Variants in SMIM18 observed in about 807,000 individuals in gnomAD.
SMIM18 encodes small integral membrane protein 18.
A neutral mutation model predicts 5.9 loss-of-function variants in SMIM18; 4 were observed. The ratio of observed to expected loss-of-function variants is 0.68; its 90% confidence interval spans 0.33 to 1.56. The LOEUF is 1.56. Among genes scored for constraint, SMIM18 ranks in the 40% most tolerant of loss-of-function variants. SMIM18 has a pLI of 0.06. For missense variants in SMIM18, 89 were observed against 109.7 expected, an observed-to-expected ratio of 0.81 and a Z score of 0.84; for synonymous variants, 37 against 37.4, an observed-to-expected ratio of 0.99 and a Z score of 0.04.
chr8:30,643,938 T>C (rs978007127), intron 1 of SMIM18: 1 of 152,156 alleles, frequency 6.6e-6, no homozygotes, highest in Non-Finnish European at 1.5e-5. Context: ...TCAATAAACA[T>C]TTGTTATAAA....
intron 1 of SMIM18, chr8:30,643,449 G>C (rs376422443): frequency 3.3e-5 from 5 of 152,332 alleles, no homozygotes; most frequent in African/African-American, 1.2e-4. Flanking sequence ...ACAAGGTCAG[G>C]AGTTTGAGAC....
intron 1 of SMIM18, among the ~76,000 whole-genome samples, chr8:30,641,776 C>A (rs767587306): frequency 6.6e-6 from 1 of 152,050 alleles, no homozygotes; most frequent in Non-Finnish European, 1.5e-5. Flanking sequence ...ATTCGGGAGG[C>A]TGAGGCAGGA....
chr8:30,644,688 C>T (rs1276384068), intron 2 of SMIM18, 116 bp downstream of exon 2: 1 of 151,936 alleles, frequency 6.6e-6, no homozygotes, highest in Non-Finnish European at 1.5e-5. Context: ...CTGCTTTAAT[C>T]AAGTTTTAAA....
chr8:30,643,187 G>C (rs1801914611), intron 1 of SMIM18, among the ~76,000 whole-genome samples: 1 of 152,130 alleles, frequency 6.6e-6, no homozygotes, highest in African/African-American at 2.4e-5. Flanking sequence ...TTTGAGTTTG[G>C]GGTGTGAAAA....
At chr8:30,645,089 T>C (rs1336577027) in intron 2 of SMIM18, among the ~76,000 whole-genome samples, 192 bp from the exon 3 acceptor site, 3 of 152,154 alleles carry the variant, frequency 2.0e-5, no homozygotes, top group Non-Finnish European at 4.4e-5. Flanking sequence ...AAATAATATA[T>C]GTTAAAAAAC....
At chr8:30,639,846 C>T (rs192845003) in intron 1 of SMIM18, among the ~76,000 whole-genome samples, 2 of 151,592 alleles carry the variant, frequency 1.3e-5, no homozygotes, top group Non-Finnish European at 2.9e-5. Context: ...CCTGCAAAAC[C>T]CAAAGGTTGC....
At chr8:30,639,446 C>T (rs141259023) in intron 1 of SMIM18, among the ~76,000 whole-genome samples, 22 of 152,206 alleles carry the variant, frequency 1.4e-4, no homozygotes, top group African/African-American at 4.8e-4. Context: ...TTAAACTGAT[C>T]CTCAAAATAA....
At chr8:30,639,246 C>T (rs1172902413) in intron 1 of SMIM18, among the ~76,000 whole-genome samples, 1 of 152,152 alleles carries the variant, frequency 6.6e-6, no homozygotes, top group African/African-American at 2.4e-5. Context: ...ATATGGGCTG[C>T]ATTATACTAC....
chr8:30,645,731 A>G lies in SMIM18; in HGVS notation c.*134A>G. The G allele has an allele frequency of 5.8e-6, 5 of 864,656 alleles. No individual in the cohort carries two copies. Among genetic ancestry groups the G allele is most frequent in the African/African-American group, 1.7e-5 (1 of 59,018 alleles). The allele number at this position is 864,656 out of a possible 1,614,324, so 53.6% of individuals were successfully genotyped here. A position where few individuals can be genotyped will look rare whatever the true frequency, so the allele number is the denominator to read the frequency against. ...TTAAAACATTTCTAGTAGAAGGGGA[A>G]AAAAAAGTTAAACATGCACTGTTTG... On this transcript the variant is annotated 3_prime_UTR_variant, in exon 3 of 3. Transcript: ENST00000517349.
At chr8:30,638,766 C>T (rs900860346) in intron 1 of SMIM18, 127 bp downstream of exon 1, 24 of 152,450 alleles carry the variant, frequency 1.6e-4, no homozygotes, top group African/African-American at 5.1e-4. Context: ...GCAATGTATT[C>T]GTTTCACCGC....
At chr8:30,640,226 T>C (rs1801765413) in intron 1 of SMIM18, among the ~76,000 whole-genome samples, 1 of 152,198 alleles carries the variant, frequency 6.6e-6, no homozygotes, top group Admixed American at 6.5e-5. Context: ...ACTGATCACA[T>C]TTCAAAGTGA....
chr8:30,644,939 C>T (rs553521078), intron 2 of SMIM18, among the ~76,000 whole-genome samples: 105 of 151,824 alleles, frequency 6.9e-4, no homozygotes, highest in Admixed American at 4.2e-3. Flanking sequence ...TTTGTAGAGA[C>T]GGGTTTCGCC....
At chr8:30,641,583 C>A (rs1020111335) in intron 1 of SMIM18, among the ~76,000 whole-genome samples, 2 of 152,132 alleles carry the variant, frequency 1.3e-5, no homozygotes, top group Non-Finnish European at 2.9e-5. Context: ...TGGTCTCAAA[C>A]TCCTGGGCTT....
chr8:30,641,544 G>GAGAC (rs1205489497), intron 1 of SMIM18, among the ~76,000 whole-genome samples: 5 of 152,076 alleles, frequency 3.3e-5, no homozygotes, highest in Non-Finnish European at 5.9e-5. Flanking sequence ...TATTTTTGTA[G>GAGAC]AGACAGGGCC....
At chr8:30,644,627 AACAT>A (rs1801993807) in intron 2 of SMIM18, 55 bp downstream of exon 2, 1 of 152,230 alleles carries the variant, frequency 6.6e-6, no homozygotes, top group South Asian at 2.1e-4. Context: ...CAGTTTGAAG[AACAT>A]AACCTTAAAA....
rs746606291 is a variant in SMIM18 at position 30,645,577 on chromosome 8, C to A, written c.268C>A (p.Arg90Ser). ...AAGTATGATGGACAACATCAGAAAACGTGAAACTGAAGTGGTCTAACACTC... is the reference window on the plus strand; with the variant it reads ...AAGTATGATGGACAACATCAGAAAAAGTGAAACTGAAGTGGTCTAACACTC... ...LRSMMDNIRK[R>S]ETEVV The change falls in exon 3 of 3, where the codon CGT (arginine) becomes AGT (serine). Residue 90 changes from arginine to serine, a missense_variant. By Grantham distance (110) the Arg-to-Ser change is moderately radical (BLOSUM62 -1). Transcript: ENST00000517349. 3 of 1,535,462 alleles carry A rather than the reference C, an allele frequency of 2.0e-6. No homozygotes were observed. The South Asian group carries it at 3.6e-5, about 18-fold the overall frequency.
intron 1 of SMIM18, among the ~76,000 whole-genome samples, chr8:30,640,135 A>C (rs929133828): frequency 1.7e-4 from 26 of 152,280 alleles, no homozygotes; most frequent in African/African-American, 5.5e-4. Context: ...TTGCTGTTTC[A>C]CCAAACTGAC....
chr8:30,645,554 G>T lies in SMIM18; in HGVS notation c.245G>T (p.Ser82Ile), dbSNP rs377468023. Residue 82 changes from serine (S) to isoleucine (I), a missense_variant, in exon 3 of 3, where the codon AGT becomes ATT. Ser to Ile is a moderately radical substitution (Grantham distance 142). Coordinates refer to ENST00000517349, the MANE Select transcript of SMIM18 (RefSeq NM_001206847.2). ...DLKSEPNPLR[S>I]MMDNIRKRET... ...AAAAGTGAACCCAACCCTCTTAGAA[G>T]TATGATGGACAACATCAGAAAACGT... 3.7e-5 allele frequency: 57 copies of T among 1,535,644 alleles called. No individual in the cohort carries two copies. The East Asian group carries it at 6.8e-4, about 18-fold the overall frequency.
chr8:30,642,926 T>A (rs867980829), intron 1 of SMIM18, among the ~76,000 whole-genome samples: 7 of 152,178 alleles, frequency 4.6e-5, no homozygotes, highest in African/African-American at 1.7e-4. Flanking sequence ...TTTAAGCAGT[T>A]CACTTATACC....
Sources: allele counts gnomAD v4.1 joint callset (sites outside exome capture counted in the v4.1 genomes callset), GRCh38; gene constraint gnomAD v4.1.1; transcripts MANE v1.5; gene names NCBI Gene and HGNC (gene_info 2026-07-23, HGNC 2026-07-21).